Variants in GRIK4 observed in about 807,000 individuals in gnomAD.
GRIK4 encodes the protein glutamate ionotropic receptor kainate type subunit 4, also known as glutamate receptor ionotropic, kainate 4.
In GRIK4, 40 loss-of-function variants were observed where a neutral mutation model predicts 104.9. The observed-to-expected ratio is 0.38, with a 90% confidence interval of 0.30 to 0.50. The LOEUF (loss-of-function observed/expected upper bound fraction) is 0.50. Among genes scored for constraint, GRIK4 ranks in the 20% least tolerant of loss-of-function variants. The probability of loss-of-function intolerance (pLI) is 0.93; values close to 1 mark genes in which losing one functional copy is unlikely to be tolerated. For missense variants in GRIK4, 1,047 were observed against 1,308.1 expected (o/e 0.80, Z 3.08); for synonymous variants, 485 against 524.9 (o/e 0.92, Z 1.04).
chr11:120,972,262 T>C (rs906340474), intron 19 of GRIK4, among the ~76,000 whole-genome samples: 17 of 152,084 alleles, frequency 1.1e-4, no homozygotes, highest in African/African-American at 4.1e-4. Context: ...TGGGGTGAGA[T>C]GTGGCACACG....
At chr11:120,934,103 G>A (rs571983446) in intron 13 of GRIK4, among the ~76,000 whole-genome samples, 2 of 151,710 alleles carry the variant, frequency 1.3e-5, no homozygotes, top group Non-Finnish European at 2.9e-5. Context: ...TACTCAGGAG[G>A]CTGAGGCAGG....
chr11:120,630,273 A>G (rs1020441025), intron 1 of GRIK4, among the ~76,000 whole-genome samples: 3 of 152,260 alleles, frequency 2.0e-5, no homozygotes, highest in Admixed American at 1.3e-4. Flanking sequence ...CCTTGGGAGC[A>G]GACAAACCAG....
chr11:120,669,369 T>C (rs1267552364), intron 3 of GRIK4, among the ~76,000 whole-genome samples: 2 of 152,244 alleles, frequency 1.3e-5, no homozygotes, highest in Non-Finnish European at 2.9e-5. Flanking sequence ...TGGAGCTGAA[T>C]GATTCCCGCT....
intron 3 of GRIK4, among the ~76,000 whole-genome samples, chr11:120,762,015 A>G (rs1046319157): frequency 1.3e-5 from 2 of 152,150 alleles, no homozygotes; most frequent in Non-Finnish European, 2.9e-5. Flanking sequence ...TGTTAATAGC[A>G]TTGAATCTAT....
chr11:120,938,042 T>A (rs569106210), intron 13 of GRIK4, among the ~76,000 whole-genome samples: 3 of 152,326 alleles, frequency 2.0e-5, no homozygotes, highest in African/African-American at 7.2e-5. Context: ...TTAATTTTTC[T>A]AATCTTGCCA....
At chr11:120,904,687 C>T (rs1288271144) in intron 12 of GRIK4, among the ~76,000 whole-genome samples, 1 of 152,226 alleles carries the variant, frequency 6.6e-6, no homozygotes, top group African/African-American at 2.4e-5. Flanking sequence ...CCATCGTCCA[C>T]TGAGCAGCCA....
intron 19 of GRIK4, among the ~76,000 whole-genome samples, chr11:120,980,639 CT>C (rs562503320): frequency 8.5e-5 from 13 of 152,172 alleles, no homozygotes; most frequent in Non-Finnish European, 1.8e-4. Context: ...CACCTTCCCC[CT>C]GGAAGGTAGA....
intron 1 of GRIK4, among the ~76,000 whole-genome samples, chr11:120,595,476 G>A (rs1948788865): frequency 6.6e-6 from 1 of 152,200 alleles, no homozygotes; most frequent in Admixed American, 6.5e-5. Flanking sequence ...CTTACAAGGT[G>A]CATGGCAGAG....
intron 14 of GRIK4, among the ~76,000 whole-genome samples, chr11:120,942,620 T>C (rs1943752889): frequency 6.6e-6 from 1 of 152,170 alleles, no homozygotes; most frequent in African/African-American, 2.4e-5. Flanking sequence ...ACCACTGTCC[T>C]GAATACCAAC....
chr11:120,859,515 G>T (rs1228342537), intron 8 of GRIK4: 1 of 152,210 alleles, frequency 6.6e-6, no homozygotes, highest in Admixed American at 6.5e-5. Context: ...GGCTCTGTGT[G>T]TGGGGAGAGG....
chr11:120,813,813 C>A, intron 4 of GRIK4, among the ~76,000 whole-genome samples: 1 of 152,186 alleles, frequency 6.6e-6, no homozygotes, highest in East Asian at 1.9e-4. Context: ...CTCTGCCTGA[C>A]TCCTAATACA....
intron 7 of GRIK4, among the ~76,000 whole-genome samples, chr11:120,833,988 A>G (rs182939466): frequency 6.6e-6 from 1 of 152,272 alleles, no homozygotes; most frequent in Non-Finnish European, 1.5e-5. Context: ...ATTGTTGGAG[A>G]TACAGGTTGT....
intron 1 of GRIK4, among the ~76,000 whole-genome samples, chr11:120,611,026 C>T (rs554895080): frequency 6.6e-6 from 1 of 152,248 alleles, no homozygotes; most frequent in South Asian, 2.1e-4. Flanking sequence ...AAACCAAGGC[C>T]CAGTGAGCGG....
At chr11:120,962,775 CCT>C in intron 18 of GRIK4, 94 bp downstream of exon 18, 1 of 786,852 alleles carries the variant, frequency 1.3e-6, no homozygotes, top group Non-Finnish European at 2.1e-6. Context: ...TCCAGTACCC[CCT>C]GTTGTTAGAA....
At chr11:120,558,268 C>T (rs117403069) in intron 1 of GRIK4, among the ~76,000 whole-genome samples, 2,590 of 152,154 alleles carry the variant, frequency 0.017, 37 homozygotes, top group Non-Finnish European at 0.027. Context: ...TCTATAATGT[C>T]AGCTCCTTTT....
intron 3 of GRIK4, among the ~76,000 whole-genome samples, chr11:120,778,684 G>A (rs1379425633): frequency 6.6e-6 from 1 of 152,228 alleles, no homozygotes; most frequent in East Asian, 1.9e-4. Context: ...GCCACCAAAT[G>A]ACTAATTCTG....
rs377622040 is a variant in GRIK4, at chr11:120,827,081, A to G, written c.512-4771A>G. On this transcript the variant is annotated intron_variant, in intron 6 of 20. Transcript: ENST00000527524. ...ATATGAACTGCTTCCCACAAGGTTA[A>G]AAAGTGCTGGTCCAGGACCAAGGCA... Among the ~76,000 whole-genome samples the G allele has an allele frequency of 1.8e-3, 268 of 152,334 alleles. 1 individual carries two copies. The highest frequency in any genetic ancestry group is 6.3e-3 in the African/African-American group (261 of 41,572).
At chr11:120,844,569 A>G (rs764126694) in intron 8 of GRIK4, among the ~76,000 whole-genome samples, 19 of 152,160 alleles carry the variant, frequency 1.2e-4, no homozygotes, top group Non-Finnish European at 2.5e-4. Context: ...AAGATAAGTC[A>G]TCTCTTTAGA....
At chr11:120,866,193 A>C (rs1954402727) in intron 9 of GRIK4, among the ~76,000 whole-genome samples, 1 of 152,150 alleles carries the variant, frequency 6.6e-6, no homozygotes, top group Non-Finnish European at 1.5e-5. Flanking sequence ...CACAGTGAAG[A>C]TCAAAGCCGC....
Sources: allele counts gnomAD v4.1 joint callset (sites outside exome capture counted in the v4.1 genomes callset), GRCh38; gene constraint gnomAD v4.1.1; transcripts MANE v1.5; gene names NCBI Gene and HGNC (gene_info 2026-07-23, HGNC 2026-07-21).